HNF4A: variants seen among roughly 807,000 people sequenced by gnomAD.
HNF4A encodes hepatocyte nuclear factor 4-alpha.
HNF4A carries 15 observed loss-of-function variants against 52.4 expected under a neutral mutation model. The observed-to-expected ratio is 0.29, with a 90% CI of 0.19 to 0.44. The LOEUF is 0.44. Among genes scored for constraint, HNF4A ranks in the 20% least tolerant of loss-of-function variants. The pLI is 1.00. For missense variants in HNF4A, 479 were observed against 647.2 expected, an observed-to-expected ratio of 0.74 and a Z score of 2.82; for synonymous variants, 280 against 264.4, an observed-to-expected ratio of 1.06 and a Z score of -0.57.
At chr20:44,414,725 G>T (rs1178289777) in intron 5 of HNF4A, 63 bp downstream of exon 5, 2 of 1,480,650 alleles carry the variant, frequency 1.4e-6, no homozygotes, top group Non-Finnish European at 1.9e-6. Context: ...GGGGGCTGCT[G>T]GCCCACCTGG....
At chr20:44,403,638 C>G (rs1713345101) in intron 1 of HNF4A, among the ~76,000 whole-genome samples, 1 of 152,210 alleles carries the variant, frequency 6.6e-6, no homozygotes, top group Admixed American at 6.5e-5. Flanking sequence ...AGCAGCAGCC[C>G]TGGGTGGCTC....
rs2063783274 is a variant in HNF4A at position 44,424,025 on chromosome 20, G to A, written c.900G>A (p.Lys300=). Residue 300 remains lysine (K), a synonymous_variant, in exon 8 of 10, where the codon AAG becomes AAA. Coordinates refer to ENST00000316099, the MANE Select transcript of HNF4A (RefSeq NM_000457.6). ...CACCCTCTTCCATTGTAGATGCCAA[G>A]GGGCTGAGCGATCCAGGGAAGATCA... 1 of 1,613,004 alleles carries A rather than the reference G, an allele frequency of 6.2e-7. No homozygotes were observed. Among genetic ancestry groups the A allele is most frequent in the Non-Finnish European group, 8.5e-7 (1 of 1,179,926 alleles).
At position 44,407,492 on chromosome 20, in the gene HNF4A, C is replaced by T. The variant is rs1219235581; in HGVS notation, c.385+17C>T. The T allele has an allele frequency of 2.0e-6, 3 of 1,535,734 alleles. No individual in the cohort carries two copies. Among genetic ancestry groups the T allele is most frequent in the Non-Finnish European group, 1.8e-6 (2 of 1,125,608 alleles). On this transcript the variant is annotated intron_variant, in intron 3 of 9. Transcript: ENST00000316099. ...AGAAGGAAGGTGAGCCTCGGCCCTC[C>T]CCGCCCCACCACCACTGCCCCACCT...
chr20:44,422,370 C>G (rs2063758495), intron 7 of HNF4A, among the ~76,000 whole-genome samples: 1 of 152,150 alleles, frequency 6.6e-6, no homozygotes, highest in South Asian at 2.1e-4. Flanking sequence ...GGACCTAGTT[C>G]AAGGCCTGGC....
chr20:44,384,467 A>C (rs529797034), intron 1 of HNF4A: 2 of 152,330 alleles, frequency 1.3e-5, no homozygotes, highest in Admixed American at 1.3e-4. Flanking sequence ...GTTAGCTTGC[A>C]ACCACAAAAA....
At chr20:44,384,993 A>G (rs2063201757) in intron 1 of HNF4A, among the ~76,000 whole-genome samples, 1 of 133,150 alleles carries the variant, frequency 7.5e-6, no homozygotes, top group African/African-American at 2.9e-5. Context: ...GCCACTCAGG[A>G]GTCCTTTTGG....
upstream of HNF4A, among the ~76,000 whole-genome samples, chr20:44,399,770 A>T (rs1316010190): frequency 2.0e-5 from 3 of 151,896 alleles, no homozygotes; most frequent in South Asian, 4.2e-4. Flanking sequence ...CTCACTCATT[A>T]ATTCTCCCTG....
intron 3 of HNF4A, among the ~76,000 whole-genome samples, chr20:44,409,562 C>G (rs373510700): frequency 1.1e-4 from 16 of 152,282 alleles, no homozygotes; most frequent in Admixed American, 8.5e-4. Flanking sequence ...GGGTTGGCAG[C>G]CCTCCTGAGT....
At chr20:44,417,368 A>T (rs1165573276) in intron 5 of HNF4A, among the ~76,000 whole-genome samples, 1 of 152,138 alleles carries the variant, frequency 6.6e-6, no homozygotes, top group Admixed American at 6.5e-5. Context: ...CTATGACTCC[A>T]GTCTTAGAAG....
At chr20:44,359,430 C>T (rs182144890) in intron 1 of HNF4A, among the ~76,000 whole-genome samples, 12 of 152,322 alleles carry the variant, frequency 7.9e-5, no homozygotes, top group African/African-American at 2.9e-4. Flanking sequence ...CCCCAGAAAC[C>T]TCCTGGCAGA....
intron 1 of HNF4A, among the ~76,000 whole-genome samples, chr20:44,375,840 C>T (rs952547365): frequency 1.3e-5 from 2 of 152,176 alleles, no homozygotes; most frequent in African/African-American, 4.8e-5. Flanking sequence ...GTGTATAGGG[C>T]CCTGAATTAG....
At chr20:44,425,108 A>G (rs1600745660) in intron 8 of HNF4A, among the ~76,000 whole-genome samples, 1 of 152,222 alleles carries the variant, frequency 6.6e-6, no homozygotes, top group Non-Finnish European at 1.5e-5. Context: ...CAGCCTCCTG[A>G]GTAGTTGGGA....
chr20:44,363,161 A>G (rs1398254303), intron 1 of HNF4A, among the ~76,000 whole-genome samples: 1 of 151,940 alleles, frequency 6.6e-6, no homozygotes, highest in Non-Finnish European at 1.5e-5. Context: ...CGGCCGACCC[A>G]ATCTTTTTTG....
chr20:44,357,957 T>A (rs1207533405), intron 1 of HNF4A, among the ~76,000 whole-genome samples: 4 of 151,408 alleles, frequency 2.6e-5, no homozygotes, highest in Non-Finnish European at 5.9e-5. Context: ...AAAGGAGAAC[T>A]CCAGTGACCT....
chr20:44,376,726 G>A (rs2146227208), intron 1 of HNF4A, among the ~76,000 whole-genome samples: 1 of 152,258 alleles, frequency 6.6e-6, no homozygotes, highest in East Asian at 1.9e-4. Flanking sequence ...GTCATTACCA[G>A]ACACATTTTC....
chr20:44,418,682 G>T (rs1789613472), intron 6 of HNF4A, among the ~76,000 whole-genome samples, 170 bp downstream of exon 6: 1 of 152,132 alleles, frequency 6.6e-6, no homozygotes, highest in Non-Finnish European at 1.5e-5. Context: ...TTTTCAACTG[G>T]GTACCCCACT....
chr20:44,387,964 A>G (rs972006756), intron 1 of HNF4A, among the ~76,000 whole-genome samples: 1 of 152,160 alleles, frequency 6.6e-6, no homozygotes, highest in South Asian at 2.1e-4. Flanking sequence ...AGATATGACT[A>G]TCATTCTCTT....
At chr20:44,385,926 C>A (rs1487669675) in intron 1 of HNF4A, among the ~76,000 whole-genome samples, 1 of 152,016 alleles carries the variant, frequency 6.6e-6, no homozygotes, top group Non-Finnish European at 1.5e-5. Flanking sequence ...GTGGCACGAT[C>A]TTCACTCACT....
At chr20:44,425,583 C>T (rs1374077745) in intron 8 of HNF4A, among the ~76,000 whole-genome samples, 1 of 151,718 alleles carries the variant, frequency 6.6e-6, no homozygotes, top group Non-Finnish European at 1.5e-5. Context: ...GAATAAACAA[C>T]AAGACACTGG....
Sources: allele counts gnomAD v4.1 joint callset (sites outside exome capture counted in the v4.1 genomes callset), GRCh38; gene constraint gnomAD v4.1.1; transcripts MANE v1.5; gene names NCBI Gene and HGNC (gene_info 2026-07-23, HGNC 2026-07-21).